Variants in SEMA3E observed in about 807,000 individuals in gnomAD.
The protein encoded by SEMA3E is semaphorin-3E.
In SEMA3E, 49 loss-of-function variants were observed where a neutral mutation model predicts 93.6. The observed-to-expected ratio is 0.52, with a 90% CI of 0.42 to 0.66. The LOEUF is 0.66. Ranked by LOEUF, SEMA3E falls within the 30% of genes least tolerant of loss-of-function variation. SEMA3E has a pLI of 0.00. For synonymous variants in SEMA3E, 363 were observed against 330.7 expected (o/e 1.10, Z -1.06); for missense variants, 906 against 964.8 (o/e 0.94, Z 0.81).
At chr7:83,405,294 C>T (rs569253768) in intron 9 of SEMA3E, among the ~76,000 whole-genome samples, 156 bp downstream of exon 9, 2 of 151,924 alleles carry the variant, frequency 1.3e-5, no homozygotes, top group East Asian at 3.9e-4. Context: ...CATTTGCAAA[C>T]GTTGGAAAAT....
At chr7:83,463,136 T>C (rs991428551) in intron 4 of SEMA3E, among the ~76,000 whole-genome samples, 1 of 147,330 alleles carries the variant, frequency 6.8e-6, no homozygotes, top group African/African-American at 2.5e-5. Flanking sequence ...CCTGCAATCG[T>C]GTCCGACTGA....
intron 1 of SEMA3E, among the ~76,000 whole-genome samples, chr7:83,550,498 A>T (rs1199585856): frequency 3.3e-5 from 5 of 152,084 alleles, no homozygotes; most frequent in East Asian, 1.9e-4. Context: ...GTTGATTTTT[A>T]AAAAATTGTG....
intron 1 of SEMA3E, among the ~76,000 whole-genome samples, chr7:83,594,316 T>G (rs1792822371): frequency 6.6e-6 from 1 of 152,166 alleles, no homozygotes; most frequent in Non-Finnish European, 1.5e-5. Flanking sequence ...AGAGGGCACC[T>G]GAATTTTCAA....
chr7:83,409,523 C>A (rs544197083), intron 5 of SEMA3E, among the ~76,000 whole-genome samples: 1 of 152,128 alleles, frequency 6.6e-6, no homozygotes, highest in Non-Finnish European at 1.5e-5. Flanking sequence ...AGTTCTAAAA[C>A]AGATATGATT....
intron 2 of SEMA3E, among the ~76,000 whole-genome samples, 179 bp downstream of exon 2, chr7:83,489,935 T>C (rs1790345784): frequency 6.6e-6 from 1 of 152,084 alleles, no homozygotes; most frequent in Non-Finnish European, 1.5e-5. Flanking sequence ...GAAAAGTTCA[T>C]ACAACATGAT....
In SEMA3E at chr7:83,394,278, AC is replaced by A; in HGVS notation, c.1500+18del. ...ATATAGAACACACACACCTACACACACACACACACAGAACTTACCCGCTTTG... is the reference window on the plus strand; with the variant it reads ...ATATAGAACACACACACCTACACACAACACACACAGAACTTACCCGCTTTG... On this transcript the variant is annotated intron_variant, in intron 13 of 16. Transcript: ENST00000643230. The A allele has an allele frequency of 1.2e-6, 2 of 1,612,304 alleles. No homozygotes were observed. The highest frequency in any genetic ancestry group is 1.7e-6 in the Non-Finnish European group (2 of 1,178,958).
At chr7:83,563,395 G>T (rs1562834006) in intron 1 of SEMA3E, among the ~76,000 whole-genome samples, 1 of 152,086 alleles carries the variant, frequency 6.6e-6, no homozygotes, top group Non-Finnish European at 1.5e-5. Context: ...TGCTTTTATT[G>T]TTCTGATGAC....
At position 83,593,571 on chromosome 7, in the gene SEMA3E, C is replaced by T. The variant is rs201123151; in HGVS notation, c.115+54857G>A. Among the ~76,000 whole-genome samples, 19 of 152,090 alleles carry T rather than the reference C, an allele frequency of 1.2e-4. No individual in the cohort carries two copies. The East Asian group carries it at 3.7e-3, about 29-fold the overall frequency. Reference sequence around the variant, plus strand: ...AAGCAGTGAGAAAGAATAAGAGATTCTTTCTATAAACCCTGGGCTTTATAG... The same window carrying T: ...AAGCAGTGAGAAAGAATAAGAGATTTTTTCTATAAACCCTGGGCTTTATAG... On this transcript the variant is annotated intron_variant, in intron 1 of 16. Coordinates refer to ENST00000643230, the MANE Select transcript of SEMA3E (RefSeq NM_012431.3).
At chr7:83,474,223 A>G (rs1055497427) in intron 2 of SEMA3E, among the ~76,000 whole-genome samples, 2 of 152,134 alleles carry the variant, frequency 1.3e-5, no homozygotes, top group Non-Finnish European at 2.9e-5. Flanking sequence ...CTTAACTTAT[A>G]CATTATGTAG....
At chr7:83,368,597 C>T (rs1172196377) in intron 16 of SEMA3E, among the ~76,000 whole-genome samples, 1 of 152,056 alleles carries the variant, frequency 6.6e-6, no homozygotes, top group Non-Finnish European at 1.5e-5. Context: ...GTGAACATCC[C>T]TTACATTTTC....
At chr7:83,405,914 G>C in intron 8 of SEMA3E, 31 bp downstream of exon 8, 1 of 1,498,772 alleles carries the variant, frequency 6.7e-7, no homozygotes, top group Non-Finnish European at 9.3e-7. Context: ...ATACATAAAA[G>C]AGCAAATTTA....
intron 1 of SEMA3E, among the ~76,000 whole-genome samples, chr7:83,507,677 C>A (rs997443530): frequency 6.6e-6 from 1 of 151,716 alleles, no homozygotes; most frequent in African/African-American, 2.4e-5. Context: ...GTGGCTCACA[C>A]GTGTAATCCC....
At chr7:83,464,506 A>G (rs1201651807) in intron 4 of SEMA3E, among the ~76,000 whole-genome samples, 1 of 110,346 alleles carries the variant, frequency 9.1e-6, no homozygotes, top group South Asian at 3.6e-4. Context: ...TCCTGGTGCT[A>G]TCCCCAAACT....
chr7:83,545,263 G>C (rs996236325), intron 1 of SEMA3E, among the ~76,000 whole-genome samples: 102 of 152,048 alleles, frequency 6.7e-4, no homozygotes, highest in African/African-American at 2.4e-3. Context: ...TGCTAAGATG[G>C]CAAATGTTCT....
chr7:83,417,017 G>GCACACA (rs1562772762), intron 5 of SEMA3E, among the ~76,000 whole-genome samples: 1 of 96,158 alleles, frequency 1.0e-5, no homozygotes, highest in East Asian at 5.8e-4. Context: ...ACACACACAG[G>GCACACA]GAGAGAGAGA....
At chr7:83,384,168 T>A (rs956063373) in intron 16 of SEMA3E, among the ~76,000 whole-genome samples, 4 of 152,074 alleles carry the variant, frequency 2.6e-5, no homozygotes, top group Non-Finnish European at 5.9e-5. Context: ...CAGAATGTAC[T>A]GTATGATTTT....
chr7:83,588,110 G>A (rs1236653373), intron 1 of SEMA3E, among the ~76,000 whole-genome samples: 3 of 151,952 alleles, frequency 2.0e-5, no homozygotes, highest in African/African-American at 7.3e-5. Flanking sequence ...TGAGGCCGGC[G>A]CGGTGGCTCA....
intron 4 of SEMA3E, among the ~76,000 whole-genome samples, chr7:83,465,007 A>T (rs1476960723): frequency 5.2e-5 from 3 of 57,700 alleles, no homozygotes; most frequent in Non-Finnish European, 1.1e-4. Flanking sequence ...GATGGCCTGA[A>T]GTAACTGAAG....
intron 1 of SEMA3E, among the ~76,000 whole-genome samples, chr7:83,577,348 A>G (rs1162797898): frequency 5.3e-5 from 8 of 152,176 alleles, no homozygotes; most frequent in African/African-American, 1.9e-4. Context: ...TATGCTTTCA[A>G]TAATCATTAC....
Sources: allele counts gnomAD v4.1 joint callset (sites outside exome capture counted in the v4.1 genomes callset), GRCh38; gene constraint gnomAD v4.1.1; transcripts MANE v1.5; gene names NCBI Gene and HGNC (gene_info 2026-07-23, HGNC 2026-07-21).